Variants in NTRK2 observed in about 807,000 individuals in gnomAD.
NTRK2 encodes the protein neurotrophic receptor tyrosine kinase 2.
NTRK2 carries 13 observed loss-of-function variants against 94.5 expected under a neutral mutation model. The observed-to-expected ratio is 0.14, with a 90% CI of 0.09 to 0.22. NTRK2 has a LOEUF of 0.22. NTRK2 is among the 10% of genes least tolerant of loss of function. The pLI is 1.00. For missense variants in NTRK2, 639 were observed against 1,071.2 expected (o/e 0.60, Z 5.63); for synonymous variants, 372 against 407.4 (o/e 0.91, Z 1.05).
At chr9:84,737,849 A>G (rs999757372) in intron 9 of NTRK2, among the ~76,000 whole-genome samples, 4 of 151,424 alleles carry the variant, frequency 2.6e-5, no homozygotes, top group African/African-American at 4.9e-5. Context: ...TGTACCGTGG[A>G]CTGGCTACTC....
chr9:84,798,969 A>AATTAAGT (rs2070028968), intron 12 of NTRK2, among the ~76,000 whole-genome samples: 1 of 145,336 alleles, frequency 6.9e-6, no homozygotes, highest in Non-Finnish European at 1.5e-5. Flanking sequence ...ATCAGCCCCA[A>AATTAAGT]ATTAACTATT....
intron 12 of NTRK2, among the ~76,000 whole-genome samples, chr9:84,770,973 G>C (rs934516824): frequency 6.6e-6 from 1 of 152,138 alleles, no homozygotes; most frequent in Non-Finnish European, 1.5e-5. Flanking sequence ...AGGCATTCTG[G>C]CATCAAAGTT....
chr9:84,818,138 T>C (rs1663433256), intron 12 of NTRK2, among the ~76,000 whole-genome samples: 1 of 152,166 alleles, frequency 6.6e-6, no homozygotes. Flanking sequence ...ATTGCCTGTA[T>C]TGTAACGATT....
chr9:84,894,567 C>G (rs1426110203), intron 14 of NTRK2, among the ~76,000 whole-genome samples: 1 of 152,148 alleles, frequency 6.6e-6, no homozygotes, highest in Non-Finnish European at 1.5e-5. Flanking sequence ...TCATGCTGCT[C>G]AAGGTTGGCT....
At chr9:84,890,848 C>T (rs1358575072) in intron 14 of NTRK2, among the ~76,000 whole-genome samples, 1 of 152,206 alleles carries the variant, frequency 6.6e-6, no homozygotes, top group Admixed American at 6.5e-5. Context: ...AAATGCTTCT[C>T]AGTCATCTTC....
At position 85,026,620 on chromosome 9, in the gene NTRK2, A is replaced by T. The variant is rs114026468; in HGVS notation, c.*5183A>T. On this transcript the variant is annotated 3_prime_UTR_variant, in exon 19 of 19. Transcript: ENST00000277120. Reference sequence around the variant, plus strand: ...CTATTGCTCCCTGCGTTCTTTGATCATTACCTATGACTTACAAATCTGCCT... The same window carrying T: ...CTATTGCTCCCTGCGTTCTTTGATCTTTACCTATGACTTACAAATCTGCCT... 1,639 of 232,960 alleles carry T rather than the reference A, an allele frequency of 7.0e-3. 25 individuals carry two copies. Among genetic ancestry groups the T allele is most frequent in the African/African-American group, 0.034 (1,523 of 45,428 alleles). 14.4% of individuals were successfully genotyped at this position (232,960 alleles called of 1,614,324 possible).
intron 12 of NTRK2, among the ~76,000 whole-genome samples, chr9:84,756,456 C>G (rs776779241): frequency 1.3e-5 from 2 of 152,168 alleles, no homozygotes; most frequent in African/African-American, 2.4e-5. Context: ...TGATGGTGTA[C>G]AGGGTTGCAA....
In NTRK2 at chr9:84,880,665, T is replaced by C. The variant is rs530484469; in HGVS notation, c.1633+13234T>C. ...GGAGATATCAAGGAGCTGATATTCT[T>C]GAGCACTTTGTGACAGACACACATG... On this transcript the variant is annotated intron_variant, in intron 14 of 18. Coordinates refer to ENST00000277120, the MANE Select transcript of NTRK2 (RefSeq NM_006180.6). Among the ~76,000 whole-genome samples, 47 of 152,366 alleles carry C rather than the reference T, an allele frequency of 3.1e-4. 1 individual carries two copies. In the South Asian group the frequency reaches 9.1e-3, roughly 30 times the overall value.
At chr9:84,951,873 A>G (rs966878439) in intron 16 of NTRK2, among the ~76,000 whole-genome samples, 1 of 152,122 alleles carries the variant, frequency 6.6e-6, no homozygotes, top group Non-Finnish European at 1.5e-5. Context: ...ATAAAGACAG[A>G]TGTCTTCTCT....
chr9:84,788,895 T>A (rs1172212929), intron 12 of NTRK2, among the ~76,000 whole-genome samples: 1 of 152,064 alleles, frequency 6.6e-6, no homozygotes, highest in East Asian at 1.9e-4. Context: ...CCCACACCCA[T>A]CCATTAGGAA....
At chr9:84,699,914 A>G (rs1394936468) in intron 2 of NTRK2, among the ~76,000 whole-genome samples, 1 of 152,188 alleles carries the variant, frequency 6.6e-6, no homozygotes, top group Non-Finnish European at 1.5e-5. Context: ...CTGATGAAAA[A>G]TGAAAAGAAA....
At chr9:84,892,675 C>T (rs10780692) in intron 14 of NTRK2, among the ~76,000 whole-genome samples, 75,058 of 152,132 alleles carry the variant, frequency 0.49, 19,772 homozygotes, top group South Asian at 0.63. Context: ...AATCCCAACA[C>T]TTTGGGAGGC....
intron 17 of NTRK2, among the ~76,000 whole-genome samples, chr9:85,008,861 A>G (rs1831261909): frequency 6.6e-6 from 1 of 152,216 alleles, no homozygotes; most frequent in Non-Finnish European, 1.5e-5. Flanking sequence ...TATCGCCTGA[A>G]TGTTTCCTTT....
chr9:84,768,682 G>A (rs1564226741), intron 12 of NTRK2, among the ~76,000 whole-genome samples: 1 of 152,066 alleles, frequency 6.6e-6, no homozygotes, highest in Non-Finnish European at 1.5e-5. Flanking sequence ...GTGTTTGTAG[G>A]TGTCAAAGAA....
chr9:84,702,090 A>T, intron 2 of NTRK2, 69 bp from the exon 3 acceptor site: 2 of 1,405,800 alleles, frequency 1.4e-6, no homozygotes, highest in Non-Finnish European at 2.0e-6. Flanking sequence ...GGTGAGGTGG[A>T]TGGGAGTTCT....
At chr9:84,690,828 C>G (rs936656598) in intron 2 of NTRK2, among the ~76,000 whole-genome samples, 11 of 152,110 alleles carry the variant, frequency 7.2e-5, no homozygotes, top group Non-Finnish European at 7.4e-5. Flanking sequence ...GATGAAACTA[C>G]TTACTAACCC....
chr9:84,702,415 C>T lies in NTRK2; in HGVS notation c.355C>T (p.His119Tyr). Reference sequence around the variant, plus strand: ...ATTTCTGAAAAACAGCAACCTGCAGCACATGTAAGTAGAGATTGATTCTTT... The same window carrying T: ...ATTTCTGAAAAACAGCAACCTGCAGTACATGTAAGTAGAGATTGATTCTTT... ...KAFLKNSNLQHINFTRNKLTS... is the reference protein window; with the variant it reads ...KAFLKNSNLQYINFTRNKLTS... The change falls in exon 4 of 19, where the codon CAC becomes TAC. Residue 119 changes from histidine to tyrosine, a missense_variant. Coordinates refer to ENST00000277120, the MANE Select transcript of NTRK2 (RefSeq NM_006180.6). 1 of 1,612,754 alleles carries T rather than the reference C, an allele frequency of 6.2e-7. No individual in the cohort carries two copies. The highest frequency in any genetic ancestry group is 1.1e-5 in the South Asian group (1 of 91,048).
intron 17 of NTRK2, among the ~76,000 whole-genome samples, chr9:84,974,492 G>T (rs1429929751): frequency 6.6e-6 from 1 of 152,200 alleles, no homozygotes; most frequent in Non-Finnish European, 1.5e-5. Context: ...TAAAGCTCTT[G>T]TGTAACTTGG....
chr9:84,855,421 T>C (rs2075015784), intron 12 of NTRK2, among the ~76,000 whole-genome samples: 7 of 152,198 alleles, frequency 4.6e-5, no homozygotes. Flanking sequence ...TTATATGTAT[T>C]GAAGTGGTTC....
Sources: gnomAD v4.1 joint callset for allele counts (sites outside exome capture counted in the v4.1 genomes callset) on GRCh38, gnomAD v4.1.1 for gene constraint, MANE v1.5 for transcripts, NCBI Gene and HGNC (gene_info 2026-07-23, HGNC 2026-07-21) for gene names.